SLC12A6: variants seen among roughly 807,000 people sequenced by gnomAD.
SLC12A6 encodes solute carrier family 12 member 6.
Under a neutral mutation model 135.3 loss-of-function variants are expected in SLC12A6, and 66 were observed. That is an observed-to-expected ratio of 0.49 (90% CI 0.40 to 0.60). The LOEUF (loss-of-function observed/expected upper bound fraction) is 0.60, where lower values mean the gene tolerates loss of function less well. Among genes scored for constraint, SLC12A6 ranks in the 20% least tolerant of loss-of-function variants. The pLI, the probability that SLC12A6 is intolerant of heterozygous loss-of-function variation, is 0.00. For missense variants in SLC12A6, 1,058 were observed against 1,452.3 expected (o/e 0.73, Z 4.41); for synonymous variants, 513 against 508.8 (o/e 1.01, Z -0.11).
At chr15:34,295,655 T>C (rs1895830511) in intron 2 of SLC12A6, among the ~76,000 whole-genome samples, 1 of 152,198 alleles carries the variant, frequency 6.6e-6, no homozygotes, top group African/African-American at 2.4e-5. Context: ...TCACTATTCT[T>C]GTATCAAAAA....
intron 2 of SLC12A6, among the ~76,000 whole-genome samples, chr15:34,322,859 C>A (rs560494927): frequency 6.6e-6 from 1 of 151,034 alleles, no homozygotes; most frequent in Non-Finnish European, 1.5e-5. Context: ...GCGCCTGTAA[C>A]CCCAGCTACT....
intron 2 of SLC12A6, among the ~76,000 whole-genome samples, chr15:34,317,934 G>T (rs1005981286): frequency 1.3e-5 from 2 of 152,084 alleles, no homozygotes; most frequent in Non-Finnish European, 2.9e-5. Context: ...GAAAATAATA[G>T]GGATAATCAC....
rs142438301 is a variant in SLC12A6, at chr15:34,272,694, C to T, written c.316+2651G>A. On this transcript the variant is annotated intron_variant, in intron 3 of 25. Coordinates refer to ENST00000354181, the MANE Select transcript of SLC12A6 (RefSeq NM_001365088.1). ...CTAATAATGACTAAGATAACTCTTC[C>T]TTCATAATCAAAGTTACTTATTTTT... Among the ~76,000 whole-genome samples, 92 of 152,238 alleles carry T rather than the reference C, an allele frequency of 6.0e-4. No homozygotes were observed. In the East Asian group the frequency reaches 0.013, roughly 22 times the overall value.
Position 34,240,717 on chromosome 15 carries a change from A to G in SLC12A6, c.2380T>C (p.Ser794Pro). Residue 794 changes from serine to proline, a missense_variant, in exon 19 of 26, where the codon TCT becomes CCT. By Grantham distance (74) the Ser-to-Pro change is moderately conservative (BLOSUM62 -1). This residue lies in a region of SLC12A6 where 31 missense variants were observed against 24.3 expected (regional missense o/e 1.28). Transcript: ENST00000354181. ...KAGKGLTIVGSVIVGNFLENY... is the reference protein window; with the variant it reads ...KAGKGLTIVGPVIVGNFLENY... Reference sequence around the variant, plus strand: ...TCTAGGAAGTTCCCCACGATGACAGAGCCCACAATAGTGAGACCTTTTCCT... The same window carrying G: ...TCTAGGAAGTTCCCCACGATGACAGGGCCCACAATAGTGAGACCTTTTCCT... 6.2e-7 allele frequency: 1 copy of G among 1,614,082 alleles called. No homozygotes were observed. Among genetic ancestry groups the G allele is most frequent in the Admixed American group, 1.7e-5 (1 of 60,026 alleles).
At chr15:34,321,355 A>AG (rs1460551291) in intron 2 of SLC12A6, among the ~76,000 whole-genome samples, 1 of 152,232 alleles carries the variant, frequency 6.6e-6, no homozygotes, top group Non-Finnish European at 1.5e-5. Flanking sequence ...AGTAAAGCTG[A>AG]GGTGTGTGAT....
intron 3 of SLC12A6, among the ~76,000 whole-genome samples, chr15:34,263,137 AG>A (rs1476465754): frequency 6.6e-6 from 1 of 152,166 alleles, no homozygotes; most frequent in Non-Finnish European, 1.5e-5. Context: ...GAAAAAAAAT[AG>A]GGCAGGCATG....
intron 2 of SLC12A6, among the ~76,000 whole-genome samples, chr15:34,329,177 G>T (rs1410056361): frequency 6.6e-6 from 1 of 152,088 alleles, no homozygotes. Flanking sequence ...GTGCACGAGG[G>T]CATTAAGCCA....
chr15:34,308,648 AAAAACAAAC>A (rs1393894131), intron 2 of SLC12A6, among the ~76,000 whole-genome samples: 1 of 151,108 alleles, frequency 6.6e-6, no homozygotes, highest in African/African-American at 2.4e-5. Flanking sequence ...AAAAAAAAAA[AAAAACAAAC>A]CAGATTGTTG....
chr15:34,259,473 G>A (rs1408395539), intron 4 of SLC12A6, among the ~76,000 whole-genome samples: 1 of 151,950 alleles, frequency 6.6e-6, no homozygotes, highest in Non-Finnish European at 1.5e-5. Context: ...AACAGAGTGA[G>A]ACCCTGTCTC....
intron 3 of SLC12A6, among the ~76,000 whole-genome samples, chr15:34,267,868 T>A (rs1461785152): frequency 1.3e-5 from 2 of 152,174 alleles, no homozygotes; most frequent in African/African-American, 4.8e-5. Flanking sequence ...TTCTTTTTGT[T>A]TACGCTATTT....
At chr15:34,256,835 G>A (rs1182739577) in intron 6 of SLC12A6, among the ~76,000 whole-genome samples, 1 of 152,220 alleles carries the variant, frequency 6.6e-6, no homozygotes, top group Non-Finnish European at 1.5e-5. Context: ...AGTGGTGGTA[G>A]TGTGAATAAA....
At chr15:34,324,469 A>G (rs967609486) in intron 2 of SLC12A6, among the ~76,000 whole-genome samples, 1 of 152,194 alleles carries the variant, frequency 6.6e-6, no homozygotes, top group Non-Finnish European at 1.5e-5. Context: ...ACTATATTAT[A>G]CCTGCTAAAA....
chr15:34,326,305 A>G (rs1315329389), intron 2 of SLC12A6, among the ~76,000 whole-genome samples: 2 of 152,220 alleles, frequency 1.3e-5, no homozygotes, highest in Non-Finnish European at 1.5e-5. Context: ...CTGATCTAAG[A>G]TATTTCATTC....
At chr15:34,266,331 T>A (rs535342762) in intron 3 of SLC12A6, among the ~76,000 whole-genome samples, 8 of 152,150 alleles carry the variant, frequency 5.3e-5, no homozygotes, top group Non-Finnish European at 1.2e-4. Context: ...TATTAGAAGG[T>A]AACCACATAA....
At chr15:34,321,027 G>A (rs1889052347) in intron 2 of SLC12A6, among the ~76,000 whole-genome samples, 1 of 152,172 alleles carries the variant, frequency 6.6e-6, no homozygotes, top group Admixed American at 6.5e-5. Context: ...ACTCTGCATT[G>A]CACTAGAAAC....
At chr15:34,332,321 T>A (rs998619876) in intron 2 of SLC12A6, among the ~76,000 whole-genome samples, 1 of 152,192 alleles carries the variant, frequency 6.6e-6, no homozygotes, top group Non-Finnish European at 1.5e-5. Context: ...TAACAAATAT[T>A]TGGTGAAGGA....
At chr15:34,286,984 C>CCAAA (rs1895127961) in intron 2 of SLC12A6, among the ~76,000 whole-genome samples, 1 of 151,430 alleles carries the variant, frequency 6.6e-6, no homozygotes, top group South Asian at 2.1e-4. Context: ...AAAGCAAATG[C>CCAAA]CAAAGCAAGT....
Position 34,239,179 on chromosome 15 carries a change from C to CGCA in SLC12A6, c.2437-22_2437-20dup, listed in dbSNP as rs1272569214. 1 of 1,564,488 alleles carries CGCA rather than the reference C, an allele frequency of 6.4e-7. No individual in the cohort carries two copies. Among genetic ancestry groups the CGCA allele is most frequent in the Non-Finnish European group, 8.8e-7 (1 of 1,135,020 alleles). ...TTATGGTCTGAAAGAGACACAGGAC[C>CGCA]GCAACACTGAACTGGTTCACTCTGG... On this transcript the variant is annotated intron_variant, in intron 19 of 25. Transcript: ENST00000354181.
At chr15:34,305,964 T>C (rs1896580679) in intron 2 of SLC12A6, among the ~76,000 whole-genome samples, 1 of 152,138 alleles carries the variant, frequency 6.6e-6, no homozygotes, top group Non-Finnish European at 1.5e-5. Flanking sequence ...GGTTTCCCCA[T>C]GTTAGCCAGG....
Sources: allele counts gnomAD v4.1 joint callset (sites outside exome capture counted in the v4.1 genomes callset), GRCh38; gene constraint gnomAD v4.1.1; regional missense constraint gnomAD v4.1.1; transcripts MANE v1.5; gene names NCBI Gene and HGNC (gene_info 2026-07-23, HGNC 2026-07-21).